Variants in SGCZ observed in about 807,000 individuals in gnomAD.
SGCZ encodes zeta-sarcoglycan.
In SGCZ, 40 loss-of-function variants were observed where a neutral mutation model predicts 41.3. The ratio of observed to expected loss-of-function variants is 0.97; its 90% CI spans 0.75 to 1.26. The LOEUF (loss-of-function observed/expected upper bound fraction) is 1.26. Ranked by LOEUF, SGCZ falls within the 50% of genes most tolerant of loss-of-function variation. The probability of loss-of-function intolerance (pLI) is 0.00; values close to 1 mark genes in which losing one functional copy is unlikely to be tolerated. For missense variants in SGCZ, 552 were observed against 369.8 expected (o/e 1.49, Z -4.04); for synonymous variants, 206 against 137.5 (o/e 1.50, Z -3.49).
At chr8:14,851,165 C>T (rs1312123298) in intron 1 of SGCZ, among the ~76,000 whole-genome samples, 3 of 151,796 alleles carry the variant, frequency 2.0e-5, no homozygotes, top group East Asian at 1.9e-4. Flanking sequence ...GTCAGGAGAT[C>T]GAGGCCATCC....
chr8:14,400,546 C>A (rs978934551), intron 2 of SGCZ, among the ~76,000 whole-genome samples: 4 of 152,086 alleles, frequency 2.6e-5, no homozygotes, highest in African/African-American at 9.7e-5. Context: ...CTATTCCAAG[C>A]AAGATTATCT....
At chr8:14,845,635 G>A (rs922367799) in intron 1 of SGCZ, among the ~76,000 whole-genome samples, 2 of 152,162 alleles carry the variant, frequency 1.3e-5, no homozygotes, top group African/African-American at 4.8e-5. Flanking sequence ...AGACATGGAA[G>A]ATGGAAAAAC....
intron 1 of SGCZ, among the ~76,000 whole-genome samples, chr8:14,812,706 ACAAT>A (rs941598881): frequency 6.6e-6 from 1 of 152,160 alleles, no homozygotes; most frequent in Non-Finnish European, 1.5e-5. Flanking sequence ...GATTCTGGAG[ACAAT>A]CAGACGGTTT....
At chr8:14,561,264 A>T (rs890842113) in intron 1 of SGCZ, among the ~76,000 whole-genome samples, 8 of 152,190 alleles carry the variant, frequency 5.3e-5, no homozygotes, top group Non-Finnish European at 1.0e-4. Context: ...CTTTGGCATT[A>T]TGAAACTTCT....
At chr8:14,147,848 A>T (rs758065232) in intron 5 of SGCZ, among the ~76,000 whole-genome samples, 3 of 152,162 alleles carry the variant, frequency 2.0e-5, no homozygotes, top group Non-Finnish European at 2.9e-5. Flanking sequence ...AATGGAAATA[A>T]TGTCAAGCAT....
intron 1 of SGCZ, among the ~76,000 whole-genome samples, chr8:15,165,794 G>A (rs1290757259): frequency 6.6e-6 from 1 of 152,160 alleles, no homozygotes; most frequent in Non-Finnish European, 1.5e-5. Flanking sequence ...AGTGGTGGAG[G>A]AATTGTGGAA....
intron 2 of SGCZ, among the ~76,000 whole-genome samples, chr8:14,399,727 A>G (rs1799020368): frequency 6.6e-6 from 1 of 152,110 alleles, no homozygotes; most frequent in South Asian, 2.1e-4. Flanking sequence ...AGCCTAATCA[A>G]TATTTTTCAA....
chr8:14,186,599 T>C (rs1804910455), intron 4 of SGCZ, among the ~76,000 whole-genome samples: 1 of 152,168 alleles, frequency 6.6e-6, no homozygotes, highest in African/African-American at 2.4e-5. Context: ...GAGATTTTAC[T>C]GAGAGAGAAA....
At chr8:14,347,701 A>G (rs2117095800) in intron 2 of SGCZ, among the ~76,000 whole-genome samples, 1 of 152,106 alleles carries the variant, frequency 6.6e-6, no homozygotes. Flanking sequence ...GAGATTATTT[A>G]TTTATTTAAA....
intron 2 of SGCZ, among the ~76,000 whole-genome samples, chr8:14,344,942 T>A (rs908062037): frequency 5.3e-5 from 8 of 152,056 alleles, no homozygotes; most frequent in African/African-American, 1.9e-4. Context: ...TACAACTAAT[T>A]TAGGGCAAAA....
intron 2 of SGCZ, among the ~76,000 whole-genome samples, chr8:14,419,610 T>A (rs958967110): frequency 5.9e-5 from 9 of 152,032 alleles, no homozygotes; most frequent in Non-Finnish European, 1.3e-4. Flanking sequence ...AAAAGGCCTA[T>A]TTTAAATTAT....
intron 1 of SGCZ, among the ~76,000 whole-genome samples, chr8:14,769,621 G>C (rs1230950874): frequency 6.6e-6 from 1 of 151,744 alleles, no homozygotes; most frequent in Non-Finnish European, 1.5e-5. Context: ...GCGAAACCCA[G>C]TCTCTACTAA....
chr8:14,461,042 C>T (rs1277465995), intron 2 of SGCZ, among the ~76,000 whole-genome samples: 1 of 152,036 alleles, frequency 6.6e-6, no homozygotes, highest in Non-Finnish European at 1.5e-5. Context: ...TTGGAGAAAG[C>T]ACCACACCAC....
At chr8:15,051,850 T>G (rs1045760743) in intron 1 of SGCZ, among the ~76,000 whole-genome samples, 3 of 152,156 alleles carry the variant, frequency 2.0e-5, no homozygotes, top group African/African-American at 7.2e-5. Flanking sequence ...CTTAGAGGTG[T>G]GTTTAAGCAT....
intron 2 of SGCZ, among the ~76,000 whole-genome samples, chr8:14,513,551 C>A (rs189285853): frequency 1.0e-5 from 1 of 97,910 alleles, no homozygotes; most frequent in Non-Finnish European, 2.2e-5. Flanking sequence ...AACTCTAGAT[C>A]TGAGTGTTCA....
At chr8:15,139,556 G>A (rs1808243746) in intron 1 of SGCZ, among the ~76,000 whole-genome samples, 1 of 152,074 alleles carries the variant, frequency 6.6e-6, no homozygotes, top group African/African-American at 2.4e-5. Context: ...GAAACCTATA[G>A]AGAGTAAAAT....
chr8:14,532,548 T>G (rs1478535087), intron 2 of SGCZ, among the ~76,000 whole-genome samples: 2 of 151,882 alleles, frequency 1.3e-5, no homozygotes, highest in Non-Finnish European at 2.9e-5. Flanking sequence ...TAACTGTTCT[T>G]ATGCTTTGTG....
chr8:14,306,439 T>A (rs1801355109), intron 3 of SGCZ, among the ~76,000 whole-genome samples: 1 of 152,210 alleles, frequency 6.6e-6, no homozygotes, highest in South Asian at 2.1e-4. Context: ...GGAAATATTG[T>A]AATTTCTCTG....
chr8:14,964,867 G>C (rs561592466), intron 1 of SGCZ, among the ~76,000 whole-genome samples: 19 of 152,184 alleles, frequency 1.2e-4, no homozygotes, highest in African/African-American at 4.3e-4. Flanking sequence ...AAGCTATGCA[G>C]GTTATGTGGG....
Sources: gnomAD v4.1 joint callset for allele counts (sites outside exome capture counted in the v4.1 genomes callset) on GRCh38, gnomAD v4.1.1 for gene constraint, MANE v1.5 for transcripts, NCBI Gene and HGNC (gene_info 2026-07-23, HGNC 2026-07-21) for gene names.